Variants in SLC9C1 observed in about 807,000 individuals in gnomAD.
SLC9C1 encodes sodium/hydrogen exchanger 10.
Under a neutral mutation model 140.9 loss-of-function variants are expected in SLC9C1, and 97 were observed. That is an observed-to-expected ratio of 0.69 (90% confidence interval 0.58 to 0.82). SLC9C1 has a LOEUF of 0.82. SLC9C1 is among the 40% of genes least tolerant of loss of function. The pLI, the probability that SLC9C1 is intolerant of heterozygous loss-of-function variation, is 0.00. For synonymous variants in SLC9C1, 440 were observed against 442.6 expected (o/e 0.99, Z 0.07); for missense variants, 1,340 against 1,389.3 (o/e 0.96, Z 0.56).
At chr3:112,193,879 C>T (rs1443214909) in intron 20 of SLC9C1, among the ~76,000 whole-genome samples, 9 of 151,988 alleles carry the variant, frequency 5.9e-5, no homozygotes. Flanking sequence ...GGTTTTCCTG[C>T]TATGTGGGAC....
chr3:112,239,112 G>T (rs1030969664), intron 12 of SLC9C1, among the ~76,000 whole-genome samples: 1 of 152,186 alleles, frequency 6.6e-6, no homozygotes, highest in South Asian at 2.1e-4. Context: ...CACCCAGTTC[G>T]AGCTTCCTGG....
chr3:112,217,614 T>G, intron 14 of SLC9C1, 53 bp from the exon 15 acceptor site: 1 of 1,489,182 alleles, frequency 6.7e-7, no homozygotes, highest in South Asian at 1.3e-5. Flanking sequence ...GAGATAAGTT[T>G]AATGTTGTAC....
chr3:112,290,028 A>G (rs1422167677), intron 1 of SLC9C1, among the ~76,000 whole-genome samples: 1 of 152,202 alleles, frequency 6.6e-6, no homozygotes, highest in African/African-American at 2.4e-5. Context: ...ACTGGTGTTT[A>G]GAAACACTGC....
At chr3:112,216,992 T>G (rs1386882768) in intron 15 of SLC9C1, among the ~76,000 whole-genome samples, 2 of 152,144 alleles carry the variant, frequency 1.3e-5, no homozygotes, top group Admixed American at 1.3e-4. Flanking sequence ...TAAGAAAATA[T>G]GTCACATATA....
intron 11 of SLC9C1, among the ~76,000 whole-genome samples, chr3:112,242,943 A>T (rs1231323800): frequency 6.6e-6 from 1 of 152,218 alleles, no homozygotes; most frequent in East Asian, 1.9e-4. Flanking sequence ...TCATAAAAGA[A>T]ATGCAAATCA....
intron 12 of SLC9C1, among the ~76,000 whole-genome samples, chr3:112,231,715 T>A (rs1017722880): frequency 2.0e-5 from 3 of 152,188 alleles, no homozygotes; most frequent in Non-Finnish European, 2.9e-5. Flanking sequence ...ATCATATCTT[T>A]ACTTTTACAC....
chr3:112,168,160 TGTAA>T (rs774056967), intron 25 of SLC9C1, among the ~76,000 whole-genome samples: 13 of 125,394 alleles, frequency 1.0e-4, no homozygotes, highest in East Asian at 2.9e-4. Context: ...GAGGATAAGT[TGTAA>T]GTATCATTTT....
chr3:112,287,444 T>C (rs2080542626), intron 1 of SLC9C1, among the ~76,000 whole-genome samples: 1 of 152,234 alleles, frequency 6.6e-6, no homozygotes, highest in South Asian at 2.1e-4. Context: ...TAAATTTATA[T>C]GTGTATATAG....
intron 13 of SLC9C1, among the ~76,000 whole-genome samples, chr3:112,227,756 A>G (rs987330300): frequency 2.0e-5 from 3 of 152,170 alleles, no homozygotes; most frequent in Non-Finnish European, 4.4e-5. Context: ...CAAAATTAGT[A>G]GCATTTCTAC....
chr3:112,234,830 G>GA (rs1269796233), intron 12 of SLC9C1, among the ~76,000 whole-genome samples: 4 of 152,008 alleles, frequency 2.6e-5, no homozygotes, highest in African/African-American at 9.7e-5. Flanking sequence ...CTGTTCCATT[G>GA]TCTAGATCTC....
At chr3:112,186,430 G>GA (rs887243848) in intron 20 of SLC9C1, among the ~76,000 whole-genome samples, 16 of 150,826 alleles carry the variant, frequency 1.1e-4, no homozygotes, top group Non-Finnish European at 7.4e-5. Flanking sequence ...ACTCTACACA[G>GA]AAAAAAAACA....
At chr3:112,253,314 T>A (rs2079516046) in intron 10 of SLC9C1, among the ~76,000 whole-genome samples, 1 of 152,106 alleles carries the variant, frequency 6.6e-6, no homozygotes, top group African/African-American at 2.4e-5. Flanking sequence ...GTAGGCAGCC[T>A]TGGAGTGCCA....
At position 112,204,200 on chromosome 3, in the gene SLC9C1, G is replaced by A. The variant is rs4422273; in HGVS notation, c.2172+18C>T. 1,106,363 of 1,437,040 alleles carry A rather than the reference G, an allele frequency of 0.77. 429,510 individuals carry two copies. The highest frequency in any genetic ancestry group is 0.99 in the East Asian group (35,907 of 36,194). 89.0% of individuals were successfully genotyped at this position (1,437,040 alleles called of 1,614,324 possible). The stretch of plus-strand genomic sequence containing the variant: ...AATCAGTAGGAATTAGAAATTGCAC[G>A]ATTTACTGGTTCTTTACCTTGAAAA... On this transcript the variant is annotated intron_variant, in intron 17 of 28. Coordinates refer to ENST00000305815, the MANE Select transcript of SLC9C1 (RefSeq NM_183061.3).
Position 112,141,258 on chromosome 3 carries a change from T to G in SLC9C1, c.*14A>C. 1 of 1,578,380 alleles carries G rather than the reference T, an allele frequency of 6.3e-7. No individual in the cohort carries two copies. ...GCCACAGCATTAATACATGCTTCGGTCTTCTTAACAGTCTTACTCTTTCCT... is the reference window on the plus strand; with the variant it reads ...GCCACAGCATTAATACATGCTTCGGGCTTCTTAACAGTCTTACTCTTTCCT... On this transcript the variant is annotated 3_prime_UTR_variant, in exon 29 of 29. Transcript: ENST00000305815.
At chr3:112,209,247 T>C (rs1415202075) in intron 15 of SLC9C1, among the ~76,000 whole-genome samples, 1 of 152,150 alleles carries the variant, frequency 6.6e-6, no homozygotes, top group African/African-American at 2.4e-5. Flanking sequence ...AGTGCAGTAA[T>C]ATATAGTCTG....
intron 21 of SLC9C1, 59 bp from the exon 22 acceptor site, chr3:112,180,721 G>A: frequency 1.4e-6 from 2 of 1,385,414 alleles, no homozygotes; most frequent in Non-Finnish European, 2.0e-6. Context: ...GGTTGGGAAT[G>A]TTAAAATTTG....
chr3:112,283,301 A>C (rs545125173), intron 2 of SLC9C1, among the ~76,000 whole-genome samples: 1 of 152,064 alleles, frequency 6.6e-6, no homozygotes, highest in Non-Finnish European at 1.5e-5. Context: ...CTGGCAACAA[A>C]ATGAAATCCT....
rs2107899347 is a variant in SLC9C1, at chr3:112,164,237, C to T, written c.3364+2984G>A. Among the ~76,000 whole-genome samples, 3 of 151,284 alleles carry T rather than the reference C, an allele frequency of 2.0e-5. No individual in the cohort carries two copies. In the Middle Eastern group the frequency reaches 0.01, roughly 515 times the overall value. ...TTGACTCTTTATACAATTTGCCAGT[C>T]TGTGTCTTTTAATTGGAGCACTTAG... On this transcript the variant is annotated intron_variant, in intron 26 of 28. Transcript: ENST00000305815.
chr3:112,161,048 T>A (rs1224931165), intron 26 of SLC9C1, among the ~76,000 whole-genome samples: 116 of 152,370 alleles, frequency 7.6e-4, no homozygotes, highest in African/African-American at 2.6e-3. Context: ...TCATGTGTTT[T>A]TTGGCTGCAT....
Sources: gnomAD v4.1 joint callset for allele counts (sites outside exome capture counted in the v4.1 genomes callset) on GRCh38, gnomAD v4.1.1 for gene constraint, MANE v1.5 for transcripts, NCBI Gene and HGNC (gene_info 2026-07-23, HGNC 2026-07-21) for gene names.